The following APBB2 variants were observed in gnomAD, a reference collection of about 807,000 sequenced individuals.
The protein encoded by APBB2 is Fe65-like 1.
A neutral mutation model predicts 82.5 loss-of-function variants in APBB2; 38 were observed. The ratio of observed to expected loss-of-function variants is 0.46; its 90% CI spans 0.36 to 0.60. The LOEUF is 0.60. Ranked by LOEUF, APBB2 falls within the 20% of genes least tolerant of loss-of-function variation. The pLI is 0.00. For synonymous variants in APBB2, 341 were observed against 368.2 expected (o/e 0.93, Z 0.85); for missense variants, 772 against 972.3 (o/e 0.79, Z 2.74).
chr4:40,871,704 C>T (rs1237737288), intron 12 of APBB2, among the ~76,000 whole-genome samples: 3 of 152,110 alleles, frequency 2.0e-5, no homozygotes, highest in African/African-American at 7.2e-5. Context: ...GGAGATAGAC[C>T]CTCAGTAAAC....
intron 2 of APBB2, among the ~76,000 whole-genome samples, chr4:41,131,966 G>C (rs777688034): frequency 3.3e-5 from 5 of 152,044 alleles, no homozygotes; most frequent in African/African-American, 7.2e-5. Flanking sequence ...CTTGAACCCA[G>C]GAGGCGGAGG....
chr4:41,113,314 A>C (rs1473608225), intron 2 of APBB2, among the ~76,000 whole-genome samples: 1 of 152,188 alleles, frequency 6.6e-6, no homozygotes, highest in Non-Finnish European at 1.5e-5. Flanking sequence ...AAAGCTCCAT[A>C]ATCTTTTCAA....
intron 2 of APBB2, among the ~76,000 whole-genome samples, chr4:41,118,759 CA>C (rs1435968516): frequency 6.6e-6 from 1 of 151,782 alleles, no homozygotes; most frequent in Non-Finnish European, 1.5e-5. Context: ...TATTAAGATA[CA>C]AAAAAAGAGA....
At chr4:40,839,263 T>C (rs750098049) in intron 12 of APBB2, among the ~76,000 whole-genome samples, 7 of 151,816 alleles carry the variant, frequency 4.6e-5, no homozygotes, top group Non-Finnish European at 7.4e-5. Context: ...TTTTTCTAAA[T>C]GATGAACGCA....
chr4:41,082,095 G>A (rs1737842772), intron 3 of APBB2, among the ~76,000 whole-genome samples: 1 of 152,140 alleles, frequency 6.6e-6, no homozygotes, highest in African/African-American at 2.4e-5. Flanking sequence ...TTGGATCACA[G>A]GACACACGTT....
At chr4:40,959,376 G>A (rs910009034) in intron 6 of APBB2, among the ~76,000 whole-genome samples, 3 of 152,134 alleles carry the variant, frequency 2.0e-5, no homozygotes, top group Non-Finnish European at 2.9e-5. Context: ...ATTAAATGGA[G>A]ACAATTTTCT....
chr4:41,197,662 C>T, intron 1 of APBB2, among the ~76,000 whole-genome samples: 1 of 152,204 alleles, frequency 6.6e-6, no homozygotes, highest in Non-Finnish European at 1.5e-5. Context: ...CCTCTAAGCT[C>T]TATTCTGCCT....
intron 1 of APBB2, chr4:41,177,474 G>T (rs529532096): frequency 1.8e-4 from 28 of 152,208 alleles, no homozygotes; most frequent in Admixed American, 1.4e-3. Flanking sequence ...TCTTAATTTT[G>T]TAATTAACAA....
intron 12 of APBB2, among the ~76,000 whole-genome samples, chr4:40,856,636 G>A (rs759783231): frequency 4.6e-5 from 7 of 152,228 alleles, no homozygotes; most frequent in Non-Finnish European, 7.3e-5. Flanking sequence ...TCACCAGGGG[G>A]CACGTGAGGC....
chr4:41,091,052 G>A (rs10028882), intron 3 of APBB2, among the ~76,000 whole-genome samples: 275 of 152,090 alleles, frequency 1.8e-3, no homozygotes, highest in African/African-American at 5.7e-3. Context: ...TGTATTTGTC[G>A]GCTTATTTTA....
At chr4:40,999,287 A>G (rs1006560997) in intron 6 of APBB2, among the ~76,000 whole-genome samples, 2 of 152,094 alleles carry the variant, frequency 1.3e-5, no homozygotes, top group Non-Finnish European at 2.9e-5. Context: ...CAAATTAAAA[A>G]TTAAAAAACA....
At chr4:41,033,859 C>G (rs1046040236) in intron 4 of APBB2, among the ~76,000 whole-genome samples, 1 of 152,030 alleles carries the variant, frequency 6.6e-6, no homozygotes, top group African/African-American at 2.4e-5. Flanking sequence ...AAACAAGTCC[C>G]AAGAGAAACA....
intron 12 of APBB2, among the ~76,000 whole-genome samples, chr4:40,845,394 T>C (rs1420113719): frequency 6.6e-6 from 1 of 151,998 alleles, no homozygotes; most frequent in African/African-American, 2.4e-5. Context: ...AAGATGCCAG[T>C]GGGAAGAATT....
At chr4:40,851,855 G>A (rs534526647) in intron 12 of APBB2, among the ~76,000 whole-genome samples, 2 of 151,216 alleles carry the variant, frequency 1.3e-5, no homozygotes, top group African/African-American at 2.4e-5. Context: ...GAAGGGGGCA[G>A]AGAATCCTAT....
At chr4:41,092,842 G>A (rs916540923) in intron 3 of APBB2, among the ~76,000 whole-genome samples, 4 of 152,146 alleles carry the variant, frequency 2.6e-5, no homozygotes, top group African/African-American at 9.7e-5. Flanking sequence ...AAACTCTGCT[G>A]TGGGAATACA....
chr4:41,053,766 A>G (rs1213937377), intron 4 of APBB2, among the ~76,000 whole-genome samples: 1 of 152,262 alleles, frequency 6.6e-6, no homozygotes, highest in Admixed American at 6.5e-5. Context: ...GCAAGTTCAC[A>G]CAGAGGAGTT....
chr4:41,176,761 A>T (rs1490874787), intron 1 of APBB2, among the ~76,000 whole-genome samples: 1 of 152,210 alleles, frequency 6.6e-6, no homozygotes, highest in Non-Finnish European at 1.5e-5. Flanking sequence ...GAGGGAAAAT[A>T]ACACAAGACA....
At chr4:40,925,831 T>C (rs1014178248) in intron 10 of APBB2, among the ~76,000 whole-genome samples, 5 of 152,232 alleles carry the variant, frequency 3.3e-5, no homozygotes, top group Admixed American at 6.5e-5. Flanking sequence ...TGAAAATCTA[T>C]GCTAATAGGA....
chr4:41,171,695 T>C (rs571280970), intron 1 of APBB2, among the ~76,000 whole-genome samples: 1 of 152,320 alleles, frequency 6.6e-6, no homozygotes, highest in South Asian at 2.1e-4. Context: ...CGGTGGCTCA[T>C]GCCTGTAATC....
Sources: allele counts gnomAD v4.1 joint callset (sites outside exome capture counted in the v4.1 genomes callset), GRCh38; gene constraint gnomAD v4.1.1; transcripts MANE v1.5; gene names NCBI Gene and HGNC (gene_info 2026-07-23, HGNC 2026-07-21).